CIDEC: variants seen among roughly 807,000 people sequenced by gnomAD.
CIDEC encodes the protein cell death inducing DFFA like effector c, also known as lipid transferase CIDEC.
CIDEC carries 11 observed loss-of-function variants against 21.9 expected under a neutral mutation model. The ratio of observed to expected loss-of-function variants is 0.50; its 90% CI spans 0.32 to 0.83. The LOEUF (loss-of-function observed/expected upper bound fraction) is 0.83, where lower values mean the gene tolerates loss of function less well. Among genes scored for constraint, CIDEC ranks in the 40% least tolerant of loss-of-function variants. The pLI is 0.04. For missense variants in CIDEC, 302 were observed against 302.3 expected, an observed-to-expected ratio of 1.00 and a Z score of 0.01; for synonymous variants, 127 against 124.9, an observed-to-expected ratio of 1.02 and a Z score of -0.11.
At chr3:9,870,490 C>A in intron 4 of CIDEC, 168 bp from the exon 5 acceptor site, 6 of 1,520,714 alleles carry the variant, frequency 3.9e-6, no homozygotes, top group Non-Finnish European at 5.3e-6. Flanking sequence ...ATAATATTGT[C>A]CAATAAAATA....
Position 9,877,381 on chromosome 3 carries a change from C to G in CIDEC, c.54-162G>C, listed in dbSNP as rs1006324201. ...GTCTTACTCAGAAGCCTGCTAGAAG[C>G]CAGGCACGGTGGCTCATGTCTGTAA... On this transcript the variant is annotated intron_variant, in intron 3 of 6. Coordinates refer to ENST00000336832, the MANE Select transcript of CIDEC (RefSeq NM_001321142.2). 1.6e-4 allele frequency among the ~76,000 whole-genome samples: 24 copies of G among 152,206 alleles called. 1 individual carries two copies. Among genetic ancestry groups the G allele is most frequent in the South Asian group, 6.2e-4 (3 of 4,830 alleles).
intron 3 of CIDEC, 128 bp downstream of exon 3, chr3:9,878,306 G>A: frequency 1.3e-6 from 1 of 783,642 alleles, no homozygotes; most frequent in Non-Finnish European, 2.3e-6. Context: ...TCCCACTCCA[G>A]ACCTCCTGAA....
intron 6 of CIDEC, among the ~76,000 whole-genome samples, chr3:9,867,636 A>T (rs57172132): frequency 0.01 from 1,569 of 151,588 alleles, 16 homozygotes; most frequent in African/African-American, 0.026. Flanking sequence ...CAATCAAACA[A>T]AAAACACAAG....
chr3:9,878,819 A>C, intron 2 of CIDEC, 123 bp downstream of exon 2: 1 of 1,536,076 alleles, frequency 6.5e-7, no homozygotes, highest in Non-Finnish European at 8.7e-7. Context: ...CACTGAGCAG[A>C]TAACCCAACT....
At chr3:9,873,173 C>T (rs2082373756) in intron 4 of CIDEC, among the ~76,000 whole-genome samples, 1 of 151,830 alleles carries the variant, frequency 6.6e-6, no homozygotes, top group African/African-American at 2.4e-5. Context: ...GACTTACATA[C>T]TATGTTTTCT....
intron 4 of CIDEC, among the ~76,000 whole-genome samples, chr3:9,873,433 CG>C (rs1353218284): frequency 6.6e-6 from 1 of 152,146 alleles, no homozygotes; most frequent in East Asian, 1.9e-4. Flanking sequence ...CTGGCTAACA[CG>C]GTGAAACCCT....
intron 4 of CIDEC, among the ~76,000 whole-genome samples, chr3:9,874,794 A>C (rs2082398008): frequency 6.6e-6 from 1 of 152,128 alleles, no homozygotes; most frequent in African/African-American, 2.4e-5. Context: ...GCAGTGGTGC[A>C]TTCACAGTTC....
At position 9,866,730 on chromosome 3, in the gene CIDEC, A is replaced by C; in HGVS notation, c.*404T>G. The C allele has an allele frequency of 2.4e-6, 1 of 412,862 alleles. No homozygotes were observed. The allele number at this position is 412,862 out of a possible 1,614,324, so 25.6% of individuals were successfully genotyped here. A position where few individuals can be genotyped will look rare whatever the true frequency, so the allele number is the denominator to read the frequency against. On this transcript the variant is annotated 3_prime_UTR_variant, in exon 7 of 7. Coordinates refer to ENST00000336832, the MANE Select transcript of CIDEC (RefSeq NM_001321142.2). Reference sequence around the variant, plus strand: ...GAAGATACATCAGCCTCAATAATTTATTGCAAACTCCCTAATATCACATGC... The same window carrying C: ...GAAGATACATCAGCCTCAATAATTTCTTGCAAACTCCCTAATATCACATGC...
intron 2 of CIDEC, 62 bp downstream of exon 2, chr3:9,878,880 C>T (rs981059361): frequency 1.4e-6 from 2 of 1,441,584 alleles, no homozygotes; most frequent in African/African-American, 2.8e-5. Context: ...GGGACAGAGT[C>T]CACTTTACGC....
intron 3 of CIDEC, 72 bp from the exon 4 acceptor site, chr3:9,877,291 C>T: frequency 2.2e-6 from 3 of 1,389,148 alleles, no homozygotes; most frequent in Non-Finnish European, 3.0e-6. Flanking sequence ...GGGGAGCCAC[C>T]TCCCCACCCC....
chr3:9,867,310 G>A lies in CIDEC; in HGVS notation c.555-14C>T. 1.2e-6 allele frequency: 2 copies of A among 1,613,924 alleles called. No homozygotes were observed. The highest frequency in any genetic ancestry group is 2.2e-5 in the East Asian group (1 of 44,884). On this transcript the variant is annotated splice_polypyrimidine_tract_variant and intron_variant, in intron 6 of 6. Transcript: ENST00000336832. ...CGGAAAGCTTCCCTGGGTGGAATGA[G>A]AGGGCACGCAAGTCAAAACCACGAA...
chr3:9,868,981 G>A (rs1386371982), intron 6 of CIDEC, among the ~76,000 whole-genome samples: 1 of 152,056 alleles, frequency 6.6e-6, no homozygotes, highest in Non-Finnish European at 1.5e-5. Context: ...TTTTGTGTGT[G>A]TGTGTGTGTG....
chr3:9,877,452 G>A (rs1166966950), intron 3 of CIDEC, among the ~76,000 whole-genome samples: 1 of 152,164 alleles, frequency 6.6e-6, no homozygotes, highest in African/African-American at 2.4e-5. Flanking sequence ...TTGAAGTCAG[G>A]AGTTCAAGAC....
intron 6 of CIDEC, among the ~76,000 whole-genome samples, chr3:9,867,969 AC>A (rs2082296016): frequency 6.6e-6 from 1 of 151,902 alleles, no homozygotes; most frequent in East Asian, 1.9e-4. Context: ...ACAAGAGTGT[AC>A]CCCCTCCCTG....
intron 4 of CIDEC, among the ~76,000 whole-genome samples, chr3:9,871,522 C>T (rs765924445): frequency 6.6e-6 from 1 of 151,926 alleles, no homozygotes; most frequent in Non-Finnish European, 1.5e-5. Context: ...AACTGTTTTC[C>T]ACAGTGGCTG....
At chr3:9,878,858 T>C in intron 2 of CIDEC, 84 bp downstream of exon 2, 4 of 1,524,496 alleles carry the variant, frequency 2.6e-6, no homozygotes, top group Non-Finnish European at 3.5e-6. Flanking sequence ...GCCCGATTTG[T>C]TCCTGTCCAT....
intron 4 of CIDEC, among the ~76,000 whole-genome samples, chr3:9,876,243 G>A (rs2082420667): frequency 6.6e-6 from 1 of 152,236 alleles, no homozygotes; most frequent in Non-Finnish European, 1.5e-5. Context: ...GGAGGCAGAG[G>A]TGGGTGGATT....
chr3:9,876,335 G>A (rs147845764), intron 4 of CIDEC, among the ~76,000 whole-genome samples: 3 of 152,234 alleles, frequency 2.0e-5, no homozygotes, highest in South Asian at 2.1e-4. Context: ...TTAACTGGGC[G>A]TGGTGGTGCA....
At chr3:9,879,287 G>C (rs1382342696) in intron 1 of CIDEC, among the ~76,000 whole-genome samples, 1 of 151,832 alleles carries the variant, frequency 6.6e-6, no homozygotes, top group Admixed American at 6.6e-5. Flanking sequence ...CCGTAGCTGG[G>C]ATTACAGGCA....
Sources: allele counts gnomAD v4.1 joint callset (sites outside exome capture counted in the v4.1 genomes callset), GRCh38; gene constraint gnomAD v4.1.1; transcripts MANE v1.5; gene names NCBI Gene and HGNC (gene_info 2026-07-23, HGNC 2026-07-21).